The following FOXN3 variants were observed in gnomAD, a reference collection of about 807,000 sequenced individuals.
FOXN3 encodes the protein forkhead box N3.
In FOXN3, 7 loss-of-function variants were observed where a neutral mutation model predicts 38.4. The ratio of observed to expected loss-of-function variants is 0.18; its 90% CI spans 0.10 to 0.34. The LOEUF (loss-of-function observed/expected upper bound fraction) is 0.34, where lower values mean the gene tolerates loss of function less well. Among genes scored for constraint, FOXN3 ranks in the 10% least tolerant of loss-of-function variants. The pLI is 1.00. For synonymous variants in FOXN3, 230 were observed against 242.2 expected, an observed-to-expected ratio of 0.95 and a Z score of 0.47; for missense variants, 456 against 613.4, an observed-to-expected ratio of 0.74 and a Z score of 2.71.
intron 2 of FOXN3, among the ~76,000 whole-genome samples, chr14:89,389,255 T>C (rs983702137): frequency 1.3e-5 from 2 of 152,178 alleles, no homozygotes; most frequent in African/African-American, 4.8e-5. Flanking sequence ...CATGTTACAA[T>C]GTGCATCTCT....
At chr14:89,443,600 C>T (rs979340355) in intron 1 of FOXN3, among the ~76,000 whole-genome samples, 3 of 152,122 alleles carry the variant, frequency 2.0e-5, no homozygotes, top group South Asian at 2.1e-4. Flanking sequence ...CTGGCAGGCA[C>T]AGTAAAACAA....
At chr14:89,174,236 C>G (rs1887461943) in intron 5 of FOXN3, among the ~76,000 whole-genome samples, 1 of 152,146 alleles carries the variant, frequency 6.6e-6, no homozygotes, top group African/African-American at 2.4e-5. Flanking sequence ...CAGTCTAATT[C>G]TACCTGTGCC....
At chr14:89,182,919 T>C (rs1021443973) in intron 4 of FOXN3, among the ~76,000 whole-genome samples, 1 of 152,098 alleles carries the variant, frequency 6.6e-6, no homozygotes, top group East Asian at 1.9e-4. Context: ...GGGAAAAAAA[T>C]GAACCTTGAG....
At chr14:89,426,317 C>A (rs1451902684) in intron 1 of FOXN3, among the ~76,000 whole-genome samples, 1 of 149,842 alleles carries the variant, frequency 6.7e-6, no homozygotes, top group African/African-American at 2.5e-5. Flanking sequence ...CTCTGCCTCC[C>A]AGGTTCAAGT....
intron 4 of FOXN3, among the ~76,000 whole-genome samples, chr14:89,181,833 C>G (rs751127024): frequency 1.3e-5 from 2 of 152,208 alleles, no homozygotes; most frequent in Non-Finnish European, 2.9e-5. Flanking sequence ...ACCCTCCCTA[C>G]GTCTGAGGGG....
At chr14:89,247,467 A>T (rs1344740799) in intron 4 of FOXN3, among the ~76,000 whole-genome samples, 2 of 152,200 alleles carry the variant, frequency 1.3e-5, no homozygotes, top group African/African-American at 4.8e-5. Context: ...AATTAAATAG[A>T]TAATTTATTA....
chr14:89,611,997 G>A (rs1896403314), intron 1 of FOXN3, among the ~76,000 whole-genome samples: 1 of 151,868 alleles, frequency 6.6e-6, no homozygotes, highest in African/African-American at 2.4e-5. Flanking sequence ...TGTGTGGAAG[G>A]GGAAGTCTTC....
intron 1 of FOXN3, among the ~76,000 whole-genome samples, chr14:89,552,183 G>A (rs1201483692): frequency 6.6e-6 from 1 of 152,196 alleles, no homozygotes; most frequent in African/African-American, 2.4e-5. Flanking sequence ...GCCAGTCATT[G>A]TAAAGAGCAT....
rs61390956 is a variant in FOXN3 at position 89,161,596 on chromosome 14, T to TGTGTGTGTGTGTGTGTGTGTGTGC, written c.*817_*818insGCACACACACACACACACACACAC. On this transcript the variant is annotated 3_prime_UTR_variant, in exon 6 of 6. Transcript: ENST00000557258. ...GTGTGTGTGTGTGTGTGTGTGTGTG[T>TGTGTGTGTGTGTGTGTGTGTGTGC]GCGTGCGTGCACAGGGCCAATCTTC... 16 of 136,710 alleles carry TGTGTGTGTGTGTGTGTGTGTGTGC rather than the reference T, an allele frequency of 1.2e-4. No homozygotes were observed. Among genetic ancestry groups the TGTGTGTGTGTGTGTGTGTGTGTGC allele is most frequent in the South Asian group, 5.1e-4 (2 of 3,898 alleles). 8.5% of individuals were successfully genotyped at this position (136,710 alleles called of 1,614,324 possible).
intron 2 of FOXN3, among the ~76,000 whole-genome samples, chr14:89,357,176 C>T (rs1889263561): frequency 6.6e-6 from 1 of 152,106 alleles, no homozygotes; most frequent in South Asian, 2.1e-4. Context: ...TACAGTGAGA[C>T]CCCATGTCTA....
intron 5 of FOXN3, among the ~76,000 whole-genome samples, chr14:89,178,310 C>T (rs1443294176): frequency 5.3e-5 from 8 of 152,094 alleles, no homozygotes; most frequent in East Asian, 3.9e-4. Flanking sequence ...TGCCCGGCCT[C>T]GGCGAATTTT....
chr14:89,420,885 T>TA (rs10654363), upstream of FOXN3, among the ~76,000 whole-genome samples: 32,255 of 140,750 alleles, frequency 0.23, 5,403 homozygotes, highest in African/African-American at 0.48. Flanking sequence ...AGATACGAAT[T>TA]AAAAAAAAAA....
intron 4 of FOXN3, among the ~76,000 whole-genome samples, chr14:89,230,570 C>T (rs7148212): frequency 0.78 from 118,351 of 152,270 alleles, 46,101 homozygotes; most frequent in African/African-American, 0.83. Context: ...GTAGGCACAT[C>T]TAAGTGCTAG....
rs1314411260 is a variant in FOXN3, at chr14:89,494,677, C to T, written c.-14-82187G>A. 2.6e-5 allele frequency among the ~76,000 whole-genome samples: 4 copies of T among 152,222 alleles called. No homozygotes were observed. The East Asian group carries it at 7.7e-4, about 29-fold the overall frequency. On this transcript the variant is annotated intron_variant, in intron 1 of 6. Transcript: ENST00000345097. ...CTCTGAAAGGCAGAGGGAGGCCTTG[C>T]AAACTTTCTGAAGTGGATCCAAGCT...
Position 89,238,021 on chromosome 14 carries a change from G to GT in FOXN3, c.745+42928dup, listed in dbSNP as rs569081122. Among the ~76,000 whole-genome samples, 23 of 152,324 alleles carry GT rather than the reference G, an allele frequency of 1.5e-4. No individual in the cohort carries two copies. In the East Asian group the frequency reaches 4.2e-3, roughly 28 times the overall value. On this transcript the variant is annotated intron_variant, in intron 4 of 5. Coordinates refer to ENST00000557258, the MANE Select transcript of FOXN3 (RefSeq NM_005197.4). ...TGTTGCTCCAGCCTTTTAAGTCAGT[G>GT]TATTTCCAACTACCTAAGTTCTCTT...
chr14:89,303,126 C>T (rs1198175647), intron 3 of FOXN3, among the ~76,000 whole-genome samples: 1 of 152,160 alleles, frequency 6.6e-6, no homozygotes, highest in East Asian at 1.9e-4. Context: ...TCTCCTGCCA[C>T]CCCTTGTCTT....
intron 1 of FOXN3, among the ~76,000 whole-genome samples, chr14:89,476,657 C>T (rs1218533916): frequency 2.6e-5 from 4 of 152,320 alleles, no homozygotes; most frequent in Non-Finnish European, 4.4e-5. Context: ...TTTTCCACAG[C>T]GATTAAGAGT....
Position 89,530,951 on chromosome 14 carries a change from T to C in FOXN3, c.-15+88077A>G, listed in dbSNP as rs36125535. 4.8e-3 allele frequency among the ~76,000 whole-genome samples: 712 copies of C among 147,656 alleles called. 9 individuals carry two copies. Among genetic ancestry groups the C allele is most frequent in the African/African-American group, 0.017 (689 of 40,674 alleles). On this transcript the variant is annotated intron_variant, in intron 1 of 6. Coordinates refer to the FOXN3 transcript ENST00000345097. ...TATAATGAAATATATATATTATATA[T>C]ACATATATACACATATATAATATAT...
At chr14:89,325,126 GAC>G (rs1211450285) in intron 3 of FOXN3, among the ~76,000 whole-genome samples, 1 of 152,122 alleles carries the variant, frequency 6.6e-6, no homozygotes, top group Non-Finnish European at 1.5e-5. Flanking sequence ...GGACAGCATA[GAC>G]ACAGAGTACT....
Sources: allele counts gnomAD v4.1 joint callset (sites outside exome capture counted in the v4.1 genomes callset), GRCh38; gene constraint gnomAD v4.1.1; transcripts MANE v1.5; gene names NCBI Gene and HGNC (gene_info 2026-07-23, HGNC 2026-07-21).